Variants in MICU2 observed in about 807,000 individuals in gnomAD.
MICU2 encodes the protein calcium uptake protein 2, mitochondrial.
In MICU2, 64 loss-of-function variants were observed where a neutral mutation model predicts 60.4. The ratio of observed to expected loss-of-function variants is 1.06; its 90% CI spans 0.87 to 1.31. The LOEUF is 1.31. Among genes scored for constraint, MICU2 ranks in the 50% most tolerant of loss-of-function variants. The probability of loss-of-function intolerance (pLI) is 0.00; values close to 1 mark genes in which losing one functional copy is unlikely to be tolerated. For missense variants in MICU2, 569 were observed against 531.0 expected (o/e 1.07, Z -0.70); for synonymous variants, 201 against 175.0 (o/e 1.15, Z -1.17).
intron 1 of MICU2, among the ~76,000 whole-genome samples, chr13:21,569,404 T>C (rs779332795): frequency 2.6e-5 from 4 of 152,148 alleles, no homozygotes; most frequent in Non-Finnish European, 5.9e-5. Flanking sequence ...TCTCATGCTC[T>C]GCTTATAGAG....
At chr13:21,533,848 C>T (rs943004522) in intron 4 of MICU2, among the ~76,000 whole-genome samples, 1 of 152,116 alleles carries the variant, frequency 6.6e-6, no homozygotes, top group African/African-American at 2.4e-5. Context: ...GCTGATAAAA[C>T]ATTGCTCATT....
At chr13:21,537,722 C>T (rs149572904) in intron 4 of MICU2, among the ~76,000 whole-genome samples, 165 of 152,206 alleles carry the variant, frequency 1.1e-3, no homozygotes, top group Non-Finnish European at 2.0e-3. Context: ...CGGGCTGCCT[C>T]GGCCTCAATG....
intron 7 of MICU2, among the ~76,000 whole-genome samples, chr13:21,513,739 CAAAAAAA>C (rs376128312): frequency 8.5e-5 from 5 of 59,112 alleles, no homozygotes; most frequent in Admixed American, 3.3e-4. Context: ...GACTCTGTCT[CAAAAAAA>C]AAAAAAAAAA....
In MICU2 at chr13:21,561,981, G is replaced by A. The variant is rs988149771; in HGVS notation, c.358+4816C>T. On this transcript the variant is annotated intron_variant, in intron 2 of 11. Transcript: ENST00000382374. ...GCAGTGTTTGGTTTTTTGTCCTTGCGATAGTTTACTGAGAATGATGATTTC... is the reference window on the plus strand; with the variant it reads ...GCAGTGTTTGGTTTTTTGTCCTTGCAATAGTTTACTGAGAATGATGATTTC... Among the ~76,000 whole-genome samples, 24 of 148,418 alleles carry A rather than the reference G, an allele frequency of 1.6e-4. 1 individual carries two copies. Among genetic ancestry groups the A allele is most frequent in the African/African-American group, 5.2e-4 (21 of 40,172 alleles).
At chr13:21,534,914 G>A (rs1261527202) in intron 4 of MICU2, among the ~76,000 whole-genome samples, 1 of 152,156 alleles carries the variant, frequency 6.6e-6, no homozygotes, top group African/African-American at 2.4e-5. Context: ...GCTGAGAAGT[G>A]GAAGCTGTTT....
At chr13:21,531,422 G>A (rs1399834597) in intron 4 of MICU2, 2 of 778,942 alleles carry the variant, frequency 2.6e-6, no homozygotes, top group Non-Finnish European at 4.3e-6. Context: ...TGCCTGTGGT[G>A]TCAAAGTGCA....
chr13:21,594,272 T>C (rs1294771868), intron 1 of MICU2, among the ~76,000 whole-genome samples: 3 of 151,864 alleles, frequency 2.0e-5, no homozygotes, highest in Admixed American at 6.6e-5. Flanking sequence ...CCAACAAACA[T>C]GAAAAAGAGC....
chr13:21,525,434 G>C (rs1886827731), intron 4 of MICU2, among the ~76,000 whole-genome samples: 1 of 151,662 alleles, frequency 6.6e-6, no homozygotes, highest in African/African-American at 2.4e-5. Context: ...CTCGTGATCT[G>C]CCTGCCTCGG....
At chr13:21,516,938 G>C (rs1010182933) in intron 6 of MICU2, among the ~76,000 whole-genome samples, 1 of 152,164 alleles carries the variant, frequency 6.6e-6, no homozygotes, top group Non-Finnish European at 1.5e-5. Context: ...TTAATCTACT[G>C]TTTAGAGAGA....
chr13:21,559,566 C>T (rs1463016430), intron 2 of MICU2, among the ~76,000 whole-genome samples: 1 of 151,300 alleles, frequency 6.6e-6, no homozygotes, highest in African/African-American at 2.4e-5. Flanking sequence ...GCTCTGTTGC[C>T]CAGGCTGAAG....
At chr13:21,600,044 G>C (rs775228276) in intron 1 of MICU2, among the ~76,000 whole-genome samples, 2 of 152,134 alleles carry the variant, frequency 1.3e-5, no homozygotes, top group African/African-American at 2.4e-5. Flanking sequence ...ATGAAATTTT[G>C]TCAATGAAAA....
At chr13:21,601,727 T>C (rs894553311) in intron 1 of MICU2, among the ~76,000 whole-genome samples, 1 of 152,036 alleles carries the variant, frequency 6.6e-6, no homozygotes, top group Admixed American at 6.5e-5. Context: ...CTAGGGATAG[T>C]GAGTGAATCA....
chr13:21,553,747 T>C (rs1887631523), intron 2 of MICU2, among the ~76,000 whole-genome samples: 1 of 151,864 alleles, frequency 6.6e-6, no homozygotes. Flanking sequence ...ACAAATTGGA[T>C]AGAGTCAAGA....
At chr13:21,505,413 C>T (rs932854975) in intron 8 of MICU2, among the ~76,000 whole-genome samples, 4 of 152,084 alleles carry the variant, frequency 2.6e-5, no homozygotes, top group Admixed American at 6.6e-5. Flanking sequence ...CAGAACAATA[C>T]GTAGTAGGTT....
At chr13:21,593,308 G>A (rs1468747300) in intron 1 of MICU2, among the ~76,000 whole-genome samples, 1 of 151,980 alleles carries the variant, frequency 6.6e-6, no homozygotes, top group Non-Finnish European at 1.5e-5. Context: ...GCTAACAAGG[G>A]ATGTGAAGGA....
At chr13:21,529,260 G>A (rs890662706) in intron 4 of MICU2, among the ~76,000 whole-genome samples, 1 of 152,184 alleles carries the variant, frequency 6.6e-6, no homozygotes, top group African/African-American at 2.4e-5. Context: ...TTGGGTTTGG[G>A]TGAGTTAGAT....
At chr13:21,559,160 T>A (rs1476989727) in intron 2 of MICU2, among the ~76,000 whole-genome samples, 1 of 152,164 alleles carries the variant, frequency 6.6e-6, no homozygotes, top group African/African-American at 2.4e-5. Flanking sequence ...TAAAGGAAGG[T>A]CTTAAAATTT....
At chr13:21,517,770 GAC>G (rs374373614) in intron 6 of MICU2, among the ~76,000 whole-genome samples, 7,608 of 144,268 alleles carry the variant, frequency 0.053, 309 homozygotes, top group African/African-American at 0.11. Context: ...ACAGAGCGAG[GAC>G]ACACACACAC....
chr13:21,576,304 G>A (rs1888226122), intron 1 of MICU2, among the ~76,000 whole-genome samples: 2 of 152,062 alleles, frequency 1.3e-5, no homozygotes, highest in African/African-American at 4.8e-5. Flanking sequence ...TAGATGCAGA[G>A]CAGTAACAAG....
Sources: gnomAD v4.1 joint callset for allele counts (sites outside exome capture counted in the v4.1 genomes callset) on GRCh38, gnomAD v4.1.1 for gene constraint, MANE v1.5 for transcripts, NCBI Gene and HGNC (gene_info 2026-07-23, HGNC 2026-07-21) for gene names.